Variants in OSBP2 observed in about 807,000 individuals in gnomAD.
OSBP2 encodes oxysterol-binding protein 2.
Under a neutral mutation model 96.0 loss-of-function variants are expected in OSBP2, and 66 were observed. The observed-to-expected ratio is 0.69, with a 90% CI of 0.56 to 0.84. OSBP2 has a LOEUF of 0.84. Among genes scored for constraint, OSBP2 ranks in the 40% least tolerant of loss-of-function variants. The pLI, the probability that OSBP2 is intolerant of heterozygous loss-of-function variation, is 0.00. For synonymous variants in OSBP2, 525 were observed against 520.9 expected (o/e 1.01, Z -0.11); for missense variants, 1,038 against 1,222.7 (o/e 0.85, Z 2.25).
chr22:30,876,291 A>T (rs551522660), intron 3 of OSBP2, among the ~76,000 whole-genome samples: 1 of 151,868 alleles, frequency 6.6e-6, no homozygotes, highest in East Asian at 1.9e-4. Context: ...TGTTATTCCC[A>T]CCTGCCCACC....
intron 2 of OSBP2, chr22:30,803,077 C>T: frequency 4.8e-6 from 1 of 209,862 alleles, no homozygotes; most frequent in South Asian, 6.7e-5. Flanking sequence ...GAGAGCGCGG[C>T]GGCGGGAAGG....
rs1569100781 is a variant in OSBP2, at chr22:30,730,809, A to AAT, written c.645-10352_645-10351insAT. ...ATATATATATATATATATATATATA[A>AAT]TTTTTTTTTTTTTTCCCATGGACAT... On this transcript the variant is annotated intron_variant, in intron 1 of 13. Transcript: ENST00000332585. Among the ~76,000 whole-genome samples, 16 of 21,276 alleles carry AAT rather than the reference A, an allele frequency of 7.5e-4. 3 individuals are homozygous for AAT. The highest frequency in any genetic ancestry group is 2.5e-3 in the East Asian group (2 of 804). 14.0% of individuals were successfully genotyped at this position (21,276 alleles called of 152,430 possible). A position where few individuals can be genotyped will look rare whatever the true frequency, so the allele number is the denominator to read the frequency against.
chr22:30,782,305 GC>G (rs1008424783), intron 2 of OSBP2, among the ~76,000 whole-genome samples: 1 of 152,114 alleles, frequency 6.6e-6, no homozygotes, highest in Non-Finnish European at 1.5e-5. Flanking sequence ...TTCCTCCTCA[GC>G]CCCTTCCACC....
chr22:30,786,167 G>A (rs1305555415), intron 2 of OSBP2, among the ~76,000 whole-genome samples: 5 of 152,130 alleles, frequency 3.3e-5, no homozygotes, highest in East Asian at 1.9e-4. Context: ...GATTACAGGC[G>A]TGTGCCACCA....
chr22:30,856,812 A>C (rs2039089395), intron 2 of OSBP2, among the ~76,000 whole-genome samples: 1 of 152,148 alleles, frequency 6.6e-6, no homozygotes, highest in Non-Finnish European at 1.5e-5. Flanking sequence ...TTATAGTAAG[A>C]AATGTAACTG....
At chr22:30,862,645 A>C (rs748971859) in intron 2 of OSBP2, among the ~76,000 whole-genome samples, 1 of 151,076 alleles carries the variant, frequency 6.6e-6, no homozygotes, top group Non-Finnish European at 1.5e-5. Context: ...GTGCCACTGT[A>C]CTCCAACCTG....
chr22:30,841,451 CATA>C (rs1315277292), intron 2 of OSBP2, among the ~76,000 whole-genome samples: 6 of 152,134 alleles, frequency 3.9e-5, no homozygotes, highest in Admixed American at 6.5e-5. Context: ...TTTCAATTAG[CATA>C]ATGTTTTCAG....
chr22:30,803,911 C>T (rs2090890802), intron 2 of OSBP2, among the ~76,000 whole-genome samples: 2 of 152,164 alleles, frequency 1.3e-5, no homozygotes, highest in Non-Finnish European at 2.9e-5. Flanking sequence ...CCAGCCTGTG[C>T]CTCTGAGTAA....
In OSBP2 at chr22:30,828,551, G is replaced by A. The variant is rs540071311; in HGVS notation, c.854-41878G>A. On this transcript the variant is annotated intron_variant, in intron 2 of 13. Transcript: ENST00000332585. ...TGCACAGAGCTTGAGGCATGCAGGA[G>A]TCCATGAGCTCTGAGGAAAGGCATT... Among the ~76,000 whole-genome samples, 10 of 152,352 alleles carry A rather than the reference G, an allele frequency of 6.6e-5. No homozygotes were observed. In the South Asian group the frequency reaches 2.1e-3, roughly 32 times the overall value.
intron 2 of OSBP2, among the ~76,000 whole-genome samples, chr22:30,781,090 C>T (rs891071602): frequency 2.0e-5 from 3 of 151,646 alleles, no homozygotes; most frequent in African/African-American, 7.3e-5. Flanking sequence ...ATTCTCCTGT[C>T]TCAGCCTCCC....
intron 2 of OSBP2, among the ~76,000 whole-genome samples, chr22:30,742,264 G>C (rs1216317765): frequency 6.6e-6 from 1 of 151,744 alleles, no homozygotes; most frequent in Non-Finnish European, 1.5e-5. Flanking sequence ...AAACCTGTCT[G>C]TACTAAAGAT....
At chr22:30,858,885 T>C (rs1350125275) in intron 2 of OSBP2, among the ~76,000 whole-genome samples, 1 of 57,080 alleles carries the variant, frequency 1.8e-5, no homozygotes, top group East Asian at 6.5e-4. Flanking sequence ...GTCTCAATAA[T>C]AATAATAATA....
At chr22:30,771,265 C>A (rs2090344434) in intron 2 of OSBP2, among the ~76,000 whole-genome samples, 1 of 152,210 alleles carries the variant, frequency 6.6e-6, no homozygotes, top group African/African-American at 2.4e-5. Context: ...TCAGACCCTC[C>A]TCTGGAGGGA....
intron 2 of OSBP2, among the ~76,000 whole-genome samples, chr22:30,791,233 C>T (rs2090669324): frequency 6.6e-6 from 1 of 151,486 alleles, no homozygotes; most frequent in Non-Finnish European, 1.5e-5. Context: ...AGGCCTCCCA[C>T]ACTGTTGGGA....
chr22:30,901,979 A>G lies in OSBP2; in HGVS notation c.2376-3858A>G, dbSNP rs143303915. On this transcript the variant is annotated intron_variant, in intron 12 of 13. Coordinates refer to ENST00000332585, the MANE Select transcript of OSBP2 (RefSeq NM_030758.4). Reference sequence around the variant, plus strand: ...GACTTATGCATGAGACTATTCCAATAACAAAAACTTGGAAACAACACAAAT... The same window carrying G: ...GACTTATGCATGAGACTATTCCAATGACAAAAACTTGGAAACAACACAAAT... Among the ~76,000 whole-genome samples the G allele has an allele frequency of 6.4e-3, 970 of 152,290 alleles. 12 individuals are homozygous for G. The highest frequency in any genetic ancestry group is 0.023 in the Admixed American group (358 of 15,286).
chr22:30,869,110 G>A (rs114473238), intron 2 of OSBP2, among the ~76,000 whole-genome samples: 4,300 of 152,218 alleles, frequency 0.028, 163 homozygotes, highest in African/African-American at 0.097. Flanking sequence ...CTGCTGTGGT[G>A]CGCCACCCCC....
chr22:30,724,240 C>T (rs1037204277), intron 1 of OSBP2, among the ~76,000 whole-genome samples: 11 of 152,060 alleles, frequency 7.2e-5, no homozygotes, highest in Admixed American at 2.0e-4. Flanking sequence ...TGTTTTGAGA[C>T]GGAGCCTCAC....
intron 2 of OSBP2, among the ~76,000 whole-genome samples, chr22:30,752,569 T>C (rs136346): frequency 0.68 from 102,898 of 151,714 alleles, 35,521 homozygotes; most frequent in African/African-American, 0.81. Context: ...GGATTACAGG[T>C]GTGAGCCACC....
chr22:30,893,743 AC>A lies in OSBP2; in HGVS notation c.2190+12del. 1 of 1,613,832 alleles carries A rather than the reference AC, an allele frequency of 6.2e-7. No homozygotes were observed. The highest frequency in any genetic ancestry group is 1.7e-5 in the Admixed American group (1 of 60,006). ...AGAGGCAGCCCGGAAGGTAAGCAGG[AC>A]CAGCCACCTCTAAGCACCCCAGGGG... On this transcript the variant is annotated intron_variant, in intron 11 of 13. Coordinates refer to ENST00000332585, the MANE Select transcript of OSBP2 (RefSeq NM_030758.4).
Sources: allele counts gnomAD v4.1 joint callset (sites outside exome capture counted in the v4.1 genomes callset), GRCh38; gene constraint gnomAD v4.1.1; transcripts MANE v1.5; gene names NCBI Gene and HGNC (gene_info 2026-07-23, HGNC 2026-07-21).